ASAH1: variants seen among roughly 807,000 people sequenced by gnomAD.
The protein encoded by ASAH1 is N-acylsphingosine amidohydrolase 1, also known as acid ceramidase.
A neutral mutation model predicts 59.5 loss-of-function variants in ASAH1; 70 were observed. The observed-to-expected ratio is 1.18, with a 90% CI of 0.97 to 1.43. ASAH1 has a LOEUF of 1.43. Among genes scored for constraint, ASAH1 ranks in the 40% most tolerant of loss-of-function variants. The pLI is 0.00. For synonymous variants in ASAH1, 213 were observed against 166.5 expected (o/e 1.28, Z -2.15); for missense variants, 660 against 482.5 (o/e 1.37, Z -3.45).
chr8:18,082,363 C>G (rs908326297), intron 1 of ASAH1, among the ~76,000 whole-genome samples: 1 of 152,170 alleles, frequency 6.6e-6, no homozygotes, highest in African/African-American at 2.4e-5. Context: ...AATATTATTA[C>G]AAGCCGATCT....
intron 1 of ASAH1, among the ~76,000 whole-genome samples, chr8:18,079,965 C>T (rs1381286289): frequency 1.3e-5 from 2 of 152,224 alleles, no homozygotes; most frequent in East Asian, 3.8e-4. Context: ...ATAAACCCTC[C>T]ATGAGAGGAA....
chr8:18,071,008 G>C (rs887852482), intron 3 of ASAH1, among the ~76,000 whole-genome samples: 5 of 152,140 alleles, frequency 3.3e-5, no homozygotes, highest in Admixed American at 6.5e-5. Flanking sequence ...AGGAGTTTGA[G>C]ATCAGCTTGG....
intron 2 of ASAH1, among the ~76,000 whole-genome samples, chr8:18,072,393 A>G (rs7464995): frequency 0.43 from 65,233 of 152,028 alleles, 14,902 homozygotes; most frequent in Admixed American, 0.53. Context: ...TATTTCCACT[A>G]TCATAAATAA....
At chr8:18,069,094 T>G (rs1382060325) in intron 4 of ASAH1, among the ~76,000 whole-genome samples, 1 of 141,378 alleles carries the variant, frequency 7.1e-6, no homozygotes, top group East Asian at 2.1e-4. Context: ...TGAGCTATGA[T>G]CATGCCAGTG....
At chr8:18,064,836 C>T (rs1011382018) in intron 5 of ASAH1, 6 of 296,186 alleles carry the variant, frequency 2.0e-5, no homozygotes, top group East Asian at 6.9e-5. Context: ...CTTTTGGGAG[C>T]GTAAATATGA....
At chr8:18,064,436 C>CGG in intron 6 of ASAH1, 21 bp downstream of exon 6, 26 of 1,347,828 alleles carry the variant, frequency 1.9e-5, no homozygotes, top group Non-Finnish European at 2.7e-5. Context: ...TGCTGCCCAC[C>CGG]CTCCCTCAGC....
At chr8:18,066,422 C>CAAAAAAAAAAAAAAAAAACA (rs35999931) in intron 5 of ASAH1, 5 of 127,336 alleles carry the variant, frequency 3.9e-5, no homozygotes, top group Admixed American at 7.9e-5. Flanking sequence ...CAAAGAAAAC[C>CAAAAAAAAAAAAAAAAAACA]AAAAAAAAAA....
At chr8:18,066,613 C>A (rs1799939916) in intron 5 of ASAH1, 1 of 151,858 alleles carries the variant, frequency 6.6e-6, no homozygotes, top group Non-Finnish European at 1.5e-5. Context: ...AAAACTGAAA[C>A]TCTCATACTC....
chr8:18,057,375 T>A lies in ASAH1; in HGVS notation c.*159A>T, dbSNP rs1588971211. On this transcript the variant is annotated 3_prime_UTR_variant, in exon 14 of 14. Transcript: ENST00000637790. ...AACTGATAGGGGGAAAAAAAAAAGA[T>A]CTGTCATTTGTCAACAGATGGACGA... The A allele has an allele frequency of 2.1e-6, 1 of 474,348 alleles. No individual in the cohort carries two copies. The highest frequency in any genetic ancestry group is 4.6e-5 in the East Asian group (1 of 21,616). The allele number at this position is 474,348 out of a possible 1,614,324, so 29.4% of individuals were successfully genotyped here. A position where few individuals can be genotyped will look rare whatever the true frequency, so the allele number is the denominator to read the frequency against.
chr8:18,062,906 T>C (rs1799767829), intron 7 of ASAH1: 1 of 363,430 alleles, frequency 2.8e-6, no homozygotes, highest in Non-Finnish European at 5.0e-6. Flanking sequence ...AGTCTGGCTC[T>C]GTATCCCAAG....
At chr8:18,058,493 C>G (rs985128265) in intron 13 of ASAH1, 3 of 240,708 alleles carry the variant, frequency 1.2e-5, no homozygotes, top group Admixed American at 1.1e-4. Context: ...AGAGCTCTGT[C>G]TGAAAATGGA....
intron 1 of ASAH1, among the ~76,000 whole-genome samples, chr8:18,078,000 G>A (rs879529190): frequency 6.6e-6 from 1 of 152,106 alleles, no homozygotes; most frequent in Non-Finnish European, 1.5e-5. Context: ...TTACACAGCT[G>A]GTGACAGAAT....
intron 7 of ASAH1, chr8:18,062,672 T>G (rs1390974591): frequency 9.7e-6 from 5 of 513,890 alleles, no homozygotes; most frequent in Non-Finnish European, 1.7e-5. Flanking sequence ...AAACATAGAA[T>G]GCTAATTACA....
intron 5 of ASAH1, chr8:18,065,816 A>G (rs528524768): frequency 6.6e-6 from 1 of 152,226 alleles, no homozygotes; most frequent in South Asian, 2.1e-4. Context: ...AAATATGTAA[A>G]TGAAACTTAA....
rs886062780 is a variant in ASAH1 at position 18,057,370 on chromosome 8, A to T, written c.*164T>A. 14 of 474,432 alleles carry T rather than the reference A, an allele frequency of 3.0e-5. No homozygotes were observed. The East Asian group carries it at 6.4e-4, about 22-fold the overall frequency. The allele number at this position is 474,432 out of a possible 1,614,324, so 29.4% of individuals were successfully genotyped here. On this transcript the variant is annotated 3_prime_UTR_variant, in exon 14 of 14. Transcript: ENST00000637790. The stretch of plus-strand genomic sequence containing the variant: ...AAATCAACTGATAGGGGGAAAAAAA[A>T]AAGATCTGTCATTTGTCAACAGATG...
intron 1 of ASAH1, among the ~76,000 whole-genome samples, chr8:18,079,048 GGGT>G (rs1800532608): frequency 6.6e-6 from 1 of 152,080 alleles, no homozygotes; most frequent in Admixed American, 6.5e-5. Context: ...AGGCTGAGGT[GGGT>G]GGATCACCTG....
intron 8 of ASAH1, 152 bp from the exon 9 acceptor site, chr8:18,061,892 G>C: frequency 1.3e-6 from 1 of 798,504 alleles, no homozygotes; most frequent in Non-Finnish European, 2.1e-6. Flanking sequence ...TTTTTAAAAA[G>C]TTCAAAGCAT....
intron 1 of ASAH1, among the ~76,000 whole-genome samples, chr8:18,079,269 T>C (rs1434148663): frequency 8.4e-6 from 1 of 118,502 alleles, no homozygotes; most frequent in Non-Finnish European, 1.8e-5. Context: ...CAAGACTCCA[T>C]CTCAGAAAAA....
upstream of ASAH1, chr8:18,084,256 G>T (rs1800797211): frequency 3.4e-6 from 5 of 1,457,264 alleles, no homozygotes; most frequent in South Asian, 1.4e-5. Flanking sequence ...AAAGGGTGGC[G>T]TAGAGAAAGA....
Sources: gnomAD v4.1 joint callset for allele counts (sites outside exome capture counted in the v4.1 genomes callset) on GRCh38, gnomAD v4.1.1 for gene constraint, MANE v1.5 for transcripts, NCBI Gene and HGNC (gene_info 2026-07-23, HGNC 2026-07-21) for gene names.